The following TNFRSF10D variants were observed in gnomAD, a reference collection of about 807,000 sequenced individuals.
TNFRSF10D encodes TNF receptor superfamily member 10d.
In TNFRSF10D, 28 loss-of-function variants were observed where a neutral mutation model predicts 42.1. The ratio of observed to expected loss-of-function variants is 0.66; its 90% CI spans 0.49 to 0.91. The LOEUF (loss-of-function observed/expected upper bound fraction) is 0.91, where lower values mean the gene tolerates loss of function less well. Among genes scored for constraint, TNFRSF10D ranks in the 40% least tolerant of loss-of-function variants. The pLI, the probability that TNFRSF10D is intolerant of heterozygous loss-of-function variation, is 0.00. For missense variants in TNFRSF10D, 503 were observed against 486.1 expected (o/e 1.03, Z -0.33); for synonymous variants, 186 against 189.4 (o/e 0.98, Z 0.15).
At chr8:23,143,715 CTCACAACAAT>C (rs1563355806) in intron 7 of TNFRSF10D, among the ~76,000 whole-genome samples, 3 of 152,120 alleles carry the variant, frequency 2.0e-5, no homozygotes, top group African/African-American at 7.2e-5. Flanking sequence ...GAGACAGTGA[CTCACAACAAT>C]TCAGGGAATT....
intron 7 of TNFRSF10D, among the ~76,000 whole-genome samples, chr8:23,141,436 C>T (rs1457305999): frequency 1.3e-5 from 2 of 150,544 alleles, no homozygotes; most frequent in African/African-American, 4.9e-5. Flanking sequence ...ACCCGGGAGG[C>T]GGAGGTTGCA....
At chr8:23,153,313 T>C (rs1253879272) in intron 2 of TNFRSF10D, among the ~76,000 whole-genome samples, 1 of 152,034 alleles carries the variant, frequency 6.6e-6, no homozygotes, top group Admixed American at 6.5e-5. Context: ...GGTGTGGGCA[T>C]TGATTTCTTG....
At position 23,155,725 on chromosome 8, in the gene TNFRSF10D, C is replaced by CA. The variant is rs972976256; in HGVS notation, c.151-747dup. Among the ~76,000 whole-genome samples, 7 of 149,278 alleles carry CA rather than the reference C, an allele frequency of 4.7e-5. No individual in the cohort carries two copies. In the East Asian group the frequency reaches 7.9e-4, roughly 17 times the overall value. ...AAAAAAAAAAACAAAAAACAAAAAACAAAAAAACCACACATATGAGCCCTT... is the reference window on the plus strand; with the variant it reads ...AAAAAAAAAAACAAAAAACAAAAAACAAAAAAAACCACACATATGAGCCCTT... On this transcript the variant is annotated intron_variant, in intron 1 of 8. Coordinates refer to ENST00000312584, the MANE Select transcript of TNFRSF10D (RefSeq NM_003840.5).
At chr8:23,141,029 A>G (rs7816142) in intron 7 of TNFRSF10D, among the ~76,000 whole-genome samples, 47,579 of 152,048 alleles carry the variant, frequency 0.31, 8,547 homozygotes, top group East Asian at 0.84. Flanking sequence ...AACTCAAGGT[A>G]GATTAAAAGT....
rs760602272 is a variant in TNFRSF10D at position 23,148,424 on chromosome 8, C to T, written c.370+14G>A. The T allele has an allele frequency of 1.0e-5, 16 of 1,597,894 alleles. No homozygotes were observed. Among genetic ancestry groups the T allele is most frequent in the Admixed American group, 1.7e-5 (1 of 59,716 alleles). On this transcript the variant is annotated intron_variant, in intron 3 of 8. Transcript: ENST00000312584. Reference sequence around the variant, plus strand: ...GCACTCCACCTCTGGGCAAGGGGTCCACACATTCTGTACCTGATTTACAAA... The same window carrying T: ...GCACTCCACCTCTGGGCAAGGGGTCTACACATTCTGTACCTGATTTACAAA...
At chr8:23,143,622 G>C (rs905999322) in intron 7 of TNFRSF10D, among the ~76,000 whole-genome samples, 10 of 152,120 alleles carry the variant, frequency 6.6e-5, no homozygotes, top group Non-Finnish European at 1.5e-4. Context: ...ACCTTGTCTA[G>C]GTAAGTATTT....
chr8:23,155,109 T>C, intron 1 of TNFRSF10D, 130 bp from the exon 2 acceptor site: 1 of 706,606 alleles, frequency 1.4e-6, no homozygotes, highest in Non-Finnish European at 2.3e-6. Flanking sequence ...ATTCCAAACT[T>C]TCATTCTTTT....
At chr8:23,148,984 A>C (rs62501096) in intron 2 of TNFRSF10D, among the ~76,000 whole-genome samples, 1 of 151,582 alleles carries the variant, frequency 6.6e-6, no homozygotes, top group Non-Finnish European at 1.5e-5. Context: ...AGGTCAGGAG[A>C]TCGAGACCAT....
chr8:23,149,896 T>C (rs1800192954), intron 2 of TNFRSF10D, among the ~76,000 whole-genome samples: 1 of 152,172 alleles, frequency 6.6e-6, no homozygotes, highest in Non-Finnish European at 1.5e-5. Flanking sequence ...TCTGTGTGTC[T>C]TAATACTATC....
chr8:23,148,827 T>TATC (rs1238168330), intron 2 of TNFRSF10D, among the ~76,000 whole-genome samples: 1 of 151,978 alleles, frequency 6.6e-6, no homozygotes, highest in Non-Finnish European at 1.5e-5. Flanking sequence ...TAATTTTAAC[T>TATC]ATTTTTTAGC....
chr8:23,146,928 A>G, intron 4 of TNFRSF10D, 33 bp downstream of exon 4: 2 of 1,575,656 alleles, frequency 1.3e-6, no homozygotes, highest in Non-Finnish European at 1.7e-6. Flanking sequence ...CAGGTTCCTG[A>G]AAGCTGTTGG....
intron 3 of TNFRSF10D, 132 bp from the exon 4 acceptor site, chr8:23,147,204 A>G (rs1255521875): frequency 1.4e-6 from 1 of 703,206 alleles, no homozygotes; most frequent in East Asian, 2.6e-5. Flanking sequence ...TTTCTGCACC[A>G]GCACACTCGG....
At chr8:23,142,970 T>G (rs1800053333) in intron 7 of TNFRSF10D, among the ~76,000 whole-genome samples, 1 of 152,044 alleles carries the variant, frequency 6.6e-6, no homozygotes, top group East Asian at 1.9e-4. Context: ...CACCTTTGTT[T>G]TTTTTTTGTT....
rs144565803 is a variant in TNFRSF10D, at chr8:23,140,098, G to A, written c.955-1838C>T. 3.4e-3 allele frequency among the ~76,000 whole-genome samples: 521 copies of A among 152,208 alleles called. 2 individuals carry two copies. The highest frequency in any genetic ancestry group is 0.012 in the African/African-American group (481 of 41,504). On this transcript the variant is annotated intron_variant, in intron 7 of 8. Coordinates refer to ENST00000312584, the MANE Select transcript of TNFRSF10D (RefSeq NM_003840.5). ...AGGTCAGGAGATCGAGACCATCCTG[G>A]CTAACACGGTGAAACCCCACCTCTA... is the stretch of plus-strand genomic sequence containing the variant.
At chr8:23,148,663 G>A (rs4871850) in intron 2 of TNFRSF10D, 112 bp from the exon 3 acceptor site, 454,662 of 683,628 alleles carry the variant, frequency 0.67, 155,058 homozygotes, top group Non-Finnish European at 0.72. Flanking sequence ...AGAGAAATCT[G>A]CTCTTCTTGG....
At chr8:23,146,242 A>G (rs769390826) in intron 4 of TNFRSF10D, among the ~76,000 whole-genome samples, 40 of 152,210 alleles carry the variant, frequency 2.6e-4, no homozygotes, top group Non-Finnish European at 5.1e-4. Flanking sequence ...GAAGATCACA[A>G]GCCCCTGTGG....
intron 2 of TNFRSF10D, among the ~76,000 whole-genome samples, chr8:23,151,617 C>T (rs1372758082): frequency 6.6e-6 from 1 of 151,798 alleles, no homozygotes; most frequent in Non-Finnish European, 1.5e-5. Context: ...AAGGAATACA[C>T]AACATAAAAA....
At chr8:23,141,672 T>C (rs1488522657) in intron 7 of TNFRSF10D, among the ~76,000 whole-genome samples, 1 of 151,658 alleles carries the variant, frequency 6.6e-6, no homozygotes, top group Non-Finnish European at 1.5e-5. Context: ...TGAACACACA[T>C]GTCTCAAAAG....
At chr8:23,143,264 C>T (rs566954651) in intron 7 of TNFRSF10D, among the ~76,000 whole-genome samples, 3 of 150,176 alleles carry the variant, frequency 2.0e-5, no homozygotes, top group African/African-American at 2.5e-5. Flanking sequence ...GCATGAGCCA[C>T]GGCGCCCGGC....
Sources: gnomAD v4.1 joint callset for allele counts (sites outside exome capture counted in the v4.1 genomes callset) on GRCh38, gnomAD v4.1.1 for gene constraint, MANE v1.5 for transcripts, NCBI Gene and HGNC (gene_info 2026-07-23, HGNC 2026-07-21) for gene names.